CLEC16A: variants seen among roughly 807,000 people sequenced by gnomAD.
CLEC16A encodes the protein protein CLEC16A.
Under a neutral mutation model 109.5 loss-of-function variants are expected in CLEC16A, and 51 were observed. The observed-to-expected ratio is 0.47, with a 90% confidence interval of 0.37 to 0.59. CLEC16A has a LOEUF of 0.59. Among genes scored for constraint, CLEC16A ranks in the 20% least tolerant of loss-of-function variants. CLEC16A has a pLI of 0.00. For missense variants in CLEC16A, 1,339 were observed against 1,394.0 expected (o/e 0.96, Z 0.63); for synonymous variants, 673 against 564.2 (o/e 1.19, Z -2.73).
rs1246948613 is a variant in CLEC16A, at chr16:10,986,105, A to C, written c.1071+3114A>C. 3.1e-5 allele frequency among the ~76,000 whole-genome samples: 4 copies of C among 130,872 alleles called. No homozygotes were observed. In the Admixed American group the frequency reaches 3.9e-4, roughly 13 times the overall value. 85.9% of individuals were successfully genotyped at this position (130,872 alleles called of 152,430 possible). A position where few individuals can be genotyped will look rare whatever the true frequency, so the allele number is the denominator to read the frequency against. On this transcript the variant is annotated intron_variant, in intron 10 of 23. Coordinates refer to ENST00000409790, the MANE Select transcript of CLEC16A (RefSeq NM_015226.3). ...GAGTACAGCGGCACGATCTCAGCTCACTGCAAGCTCTGCCTCCCGGGTTCA... is the reference window on the plus strand; with the variant it reads ...GAGTACAGCGGCACGATCTCAGCTCCCTGCAAGCTCTGCCTCCCGGGTTCA...
chr16:11,123,570 G>T (rs1282673705), intron 20 of CLEC16A, among the ~76,000 whole-genome samples, 172 bp from the exon 21 acceptor site: 1 of 152,156 alleles, frequency 6.6e-6, no homozygotes, highest in African/African-American at 2.4e-5. Context: ...ACTGGGCCTG[G>T]TCTGCCTTGT....
rs2052600135 is a variant in CLEC16A at position 11,123,751 on chromosome 16, G to A, written c.2278G>A (p.Val760Met). The A allele has an allele frequency of 3.1e-6, 5 of 1,613,944 alleles. No individual in the cohort carries two copies. The highest frequency in any genetic ancestry group is 1.3e-5 in the African/African-American group (1 of 74,950). ...KFAGLLQDMQ[V>M]TGVEDDSRAL... ...GCTTCTCACTGTGCAGGACATGCAG[G>A]TGACTGGCGTGGAGGACGACAGCCG... is the stretch of plus-strand genomic sequence containing the variant. Residue 760 changes from valine (V) to methionine (M), a missense_variant, in exon 21 of 24, where the codon GTG becomes ATG. Physicochemically the swap from Val to Met is conservative, Grantham distance 21 (BLOSUM62 1). Around this residue, in one of 3 missense-constraint regions of CLEC16A, gnomAD observed 1,061 missense variants for 1,006.8 expected, o/e 1.05. Transcript: ENST00000409790.
intron 13 of CLEC16A, among the ~76,000 whole-genome samples, chr16:11,031,288 T>C (rs1193811968): frequency 1.3e-5 from 2 of 152,214 alleles, no homozygotes; most frequent in Admixed American, 6.5e-5. Context: ...CTGTGTGGTG[T>C]AGATGCCAGG....
chr16:11,082,996 A>G (rs938578867), intron 19 of CLEC16A, among the ~76,000 whole-genome samples: 1 of 152,118 alleles, frequency 6.6e-6, no homozygotes, highest in Non-Finnish European at 1.5e-5. Context: ...AGCCCCTGCA[A>G]CAACACTGAC....
intron 10 of CLEC16A, among the ~76,000 whole-genome samples, chr16:10,991,440 A>T (rs1447012933): frequency 6.6e-6 from 1 of 151,548 alleles, no homozygotes; most frequent in Non-Finnish European, 1.5e-5. Flanking sequence ...AAAAAAAAAA[A>T]AAAAAAAGAA....
chr16:10,966,014 C>T (rs775797669), intron 3 of CLEC16A, among the ~76,000 whole-genome samples: 8 of 152,294 alleles, frequency 5.3e-5, no homozygotes, highest in Admixed American at 2.6e-4. Context: ...GACACCCCAA[C>T]AGCTCCTTAT....
At chr16:11,130,459 G>A (rs1297382501) in intron 22 of CLEC16A, among the ~76,000 whole-genome samples, 1 of 152,246 alleles carries the variant, frequency 6.6e-6, no homozygotes, top group Non-Finnish European at 1.5e-5. Flanking sequence ...CGAGCAAGAT[G>A]TGTGTCCAAG....
chr16:11,150,268 A>G (rs773633145), intron 22 of CLEC16A: 2 of 152,216 alleles, frequency 1.3e-5, no homozygotes, highest in Non-Finnish European at 2.9e-5. Context: ...TGGATCTGTA[A>G]TTGTGTTAAG....
At chr16:11,146,300 G>T (rs550583061) in intron 22 of CLEC16A, among the ~76,000 whole-genome samples, 1 of 152,218 alleles carries the variant, frequency 6.6e-6, no homozygotes, top group South Asian at 2.1e-4. Context: ...TTATCAAACT[G>T]TAAGCTCCAG....
rs563026675 is a variant in CLEC16A at position 11,066,185 on chromosome 16, T to C, written c.2116+5163T>C. Among the ~76,000 whole-genome samples, 12 of 151,520 alleles carry C rather than the reference T, an allele frequency of 7.9e-5. No individual in the cohort carries two copies. In the South Asian group the frequency reaches 1.9e-3, roughly 24 times the overall value. On this transcript the variant is annotated intron_variant, in intron 19 of 23. Transcript: ENST00000409790. ...GTGAAATAGGACTTGCTGGGAGGAG[T>C]AGATGAGCATTATCTGTGCTGTGCC...
intron 4 of CLEC16A, 44 bp downstream of exon 4, chr16:10,969,353 G>T (rs1319389121): frequency 7.2e-7 from 1 of 1,392,050 alleles, no homozygotes; most frequent in Non-Finnish European, 9.5e-7. Context: ...AAAGCCACAC[G>T]TGGCTTTTTT....
At chr16:11,030,930 A>G (rs375655594) in intron 13 of CLEC16A, among the ~76,000 whole-genome samples, 2 of 152,334 alleles carry the variant, frequency 1.3e-5, no homozygotes, top group African/African-American at 4.8e-5. Context: ...TTTGAATGCA[A>G]GTCCTTTATC....
At chr16:11,157,089 A>G (rs2153085215) in intron 22 of CLEC16A, 1 of 1,304,308 alleles carries the variant, frequency 7.7e-7, no homozygotes, top group Non-Finnish European at 1.0e-6. Context: ...TTTCAAGGAT[A>G]GTGTTTAAAA....
chr16:11,155,697 A>G (rs1477851610), intron 22 of CLEC16A, among the ~76,000 whole-genome samples: 1 of 152,242 alleles, frequency 6.6e-6, no homozygotes, highest in Non-Finnish European at 1.5e-5. Context: ...ATAGAACGTC[A>G]TCAGCCATCG....
intron 3 of CLEC16A, among the ~76,000 whole-genome samples, chr16:10,968,584 G>A (rs930760830): frequency 2.0e-5 from 3 of 152,172 alleles, no homozygotes; most frequent in African/African-American, 7.2e-5. Flanking sequence ...TAACATCTCC[G>A]AGATGTTTTT....
At chr16:10,994,107 T>A (rs927723452) in intron 10 of CLEC16A, among the ~76,000 whole-genome samples, 3 of 152,208 alleles carry the variant, frequency 2.0e-5, no homozygotes, top group African/African-American at 7.2e-5. Context: ...GACATTTCCT[T>A]GCTTTACGCC....
At chr16:11,011,426 T>A (rs2045406212) in intron 11 of CLEC16A, among the ~76,000 whole-genome samples, 1 of 152,200 alleles carries the variant, frequency 6.6e-6, no homozygotes. Flanking sequence ...TTTTGGTGCT[T>A]AAATTGTCCC....
intron 17 of CLEC16A, among the ~76,000 whole-genome samples, chr16:11,049,076 C>T (rs145360942): frequency 1.3e-5 from 2 of 151,808 alleles, no homozygotes; most frequent in Non-Finnish European, 2.9e-5. Context: ...AGTGCGTTCT[C>T]GGCTCACTGC....
At chr16:11,022,569 C>T (rs2046173067) in intron 12 of CLEC16A, among the ~76,000 whole-genome samples, 1 of 151,856 alleles carries the variant, frequency 6.6e-6, no homozygotes, top group Non-Finnish European at 1.5e-5. Context: ...TTATATTCCC[C>T]ATATATTATG....
Sources: gnomAD v4.1 joint callset for allele counts (sites outside exome capture counted in the v4.1 genomes callset) on GRCh38, gnomAD v4.1.1 for gene constraint, gnomAD v4.1.1 regional missense constraint, MANE v1.5 for transcripts, NCBI Gene and HGNC (gene_info 2026-07-23, HGNC 2026-07-21) for gene names.